Variants in EXT1 observed in about 807,000 individuals in gnomAD.
EXT1 encodes the protein exostosin glycosyltransferase 1, also known as exostosin-1.
Under a neutral mutation model 82.5 loss-of-function variants are expected in EXT1, and 20 were observed. The observed-to-expected ratio is 0.24, with a 90% CI of 0.17 to 0.35. EXT1 has a LOEUF of 0.35. EXT1 is among the 10% of genes least tolerant of loss of function. EXT1 has a pLI of 1.00. For missense variants in EXT1, 757 were observed against 936.5 expected (o/e 0.81, Z 2.50); for synonymous variants, 348 against 350.8 (o/e 0.99, Z 0.09).
Position 117,879,251 on chromosome 8 carries a change from T to C in EXT1, c.963-42050A>G, listed in dbSNP as rs543159807. On this transcript the variant is annotated intron_variant, in intron 1 of 10. Transcript: ENST00000378204. ...CATTTTCCCAGACATGTGATTACTA[T>C]TAAATTGTGAGTGAATCTTCTGAAG... Among the ~76,000 whole-genome samples, 5 of 152,326 alleles carry C rather than the reference T, an allele frequency of 3.3e-5. No homozygotes were observed. The South Asian group carries it at 8.3e-4, about 25-fold the overall frequency.
chr8:117,806,932 G>T (rs1823247165), intron 9 of EXT1, among the ~76,000 whole-genome samples: 1 of 152,124 alleles, frequency 6.6e-6, no homozygotes, highest in Non-Finnish European at 1.5e-5. Context: ...ATTTACTTTT[G>T]TTGTTGTTAT....
chr8:118,090,456 G>T (rs1817501949), intron 1 of EXT1, among the ~76,000 whole-genome samples: 1 of 151,730 alleles, frequency 6.6e-6, no homozygotes, highest in Non-Finnish European at 1.5e-5. Context: ...GATGAACCGT[G>T]GAAGCTGAAG....
intron 1 of EXT1, among the ~76,000 whole-genome samples, chr8:117,876,318 G>A (rs1302138030): frequency 6.6e-6 from 1 of 152,204 alleles, no homozygotes; most frequent in Non-Finnish European, 1.5e-5. Flanking sequence ...TGTCAAAAGA[G>A]AGAATGCAAA....
chr8:118,097,956 C>A (rs147024821), intron 1 of EXT1, among the ~76,000 whole-genome samples: 3 of 152,234 alleles, frequency 2.0e-5, no homozygotes, highest in Non-Finnish European at 4.4e-5. Context: ...TGGAAGAAGT[C>A]AGATGCAGCT....
chr8:118,062,652 G>T (rs1816901836), intron 1 of EXT1, among the ~76,000 whole-genome samples: 1 of 152,140 alleles, frequency 6.6e-6, no homozygotes, highest in Admixed American at 6.5e-5. Flanking sequence ...GACCTGGGAA[G>T]AATAATTAGG....
intron 1 of EXT1, among the ~76,000 whole-genome samples, chr8:117,895,409 T>C (rs973292099): frequency 1.3e-5 from 2 of 152,110 alleles, no homozygotes; most frequent in Non-Finnish European, 2.9e-5. Flanking sequence ...ATGAAGACAA[T>C]TTGACAGGCA....
At chr8:117,839,575 A>G (rs1206360817) in intron 1 of EXT1, among the ~76,000 whole-genome samples, 9 of 152,238 alleles carry the variant, frequency 5.9e-5, no homozygotes, top group Admixed American at 5.9e-4. Flanking sequence ...ATTTTCATTC[A>G]GATTTCTATG....
chr8:117,852,720 T>G (rs1812476484), intron 1 of EXT1, among the ~76,000 whole-genome samples: 1 of 152,086 alleles, frequency 6.6e-6, no homozygotes, highest in Non-Finnish European at 1.5e-5. Flanking sequence ...CAGGAGACAA[T>G]GAGATTCCAT....
At chr8:117,923,875 A>G (rs1434334603) in intron 1 of EXT1, among the ~76,000 whole-genome samples, 1 of 152,216 alleles carries the variant, frequency 6.6e-6, no homozygotes, top group East Asian at 1.9e-4. Flanking sequence ...ATCTTGGCTC[A>G]GTGGGAATGA....
intron 1 of EXT1, among the ~76,000 whole-genome samples, chr8:117,839,714 A>G (rs1247720648): frequency 2.0e-5 from 3 of 152,250 alleles, no homozygotes; most frequent in African/African-American, 7.2e-5. Flanking sequence ...TAGTTTGACC[A>G]CGTGCTTGAT....
chr8:117,886,005 T>C (rs17504011), intron 1 of EXT1, among the ~76,000 whole-genome samples: 45 of 152,340 alleles, frequency 3.0e-4, no homozygotes, highest in African/African-American at 1.1e-3. Context: ...AGTTAAAAGT[T>C]GCATGACTGT....
At chr8:117,901,385 A>T (rs1037739535) in intron 1 of EXT1, among the ~76,000 whole-genome samples, 1 of 152,164 alleles carries the variant, frequency 6.6e-6, no homozygotes, top group Non-Finnish European at 1.5e-5. Context: ...TATAAAACAT[A>T]AAAAATGGTA....
intron 7 of EXT1, among the ~76,000 whole-genome samples, chr8:117,815,789 G>T (rs780021928): frequency 3.9e-5 from 6 of 152,076 alleles, no homozygotes; most frequent in Non-Finnish European, 7.4e-5. Context: ...AATTAGCCAG[G>T]CTTGGTGGCG....
Position 118,111,009 on chromosome 8 carries a change from G to C in EXT1, c.38C>G (p.Ala13Gly), listed in dbSNP as rs1291059341. The change falls in exon 1 of 11, where the codon GCT becomes GGT. Residue 13 changes from alanine (A) to glycine (G), a missense_variant. By Grantham distance (60) the Ala-to-Gly change is moderately conservative (BLOSUM62 0). Around this residue, in one of 4 missense-constraint regions of EXT1, gnomAD observed 175 missense variants for 159.0 expected, o/e 1.10. Transcript: ENST00000378204. Reference sequence around the variant, plus strand: ...AAACAAAAGGGCGAGACAAGAGCCAGCTGAGAGCAGGATGAAATAGCGTTT... The same window carrying C: ...AAACAAAAGGGCGAGACAAGAGCCACCTGAGAGCAGGATGAAATAGCGTTT... ...AKKRYFILLSAGSCLALLFYF... is the reference protein window; with the variant it reads ...AKKRYFILLSGGSCLALLFYF... 6.2e-7 allele frequency: 1 copy of C among 1,604,012 alleles called. No homozygotes were observed. Among genetic ancestry groups the C allele is most frequent in the African/African-American group, 1.3e-5 (1 of 74,894 alleles).
intron 1 of EXT1, among the ~76,000 whole-genome samples, chr8:118,021,913 G>A (rs183672615): frequency 1.3e-5 from 2 of 152,298 alleles, no homozygotes; most frequent in Non-Finnish European, 2.9e-5. Context: ...GATTTTGTGA[G>A]CAAGTCCGAA....
intron 1 of EXT1, among the ~76,000 whole-genome samples, chr8:117,997,855 A>G (rs951803679): frequency 2.0e-5 from 3 of 152,090 alleles, no homozygotes; most frequent in African/African-American, 4.8e-5. Flanking sequence ...GGAACCCCCA[A>G]GATGCCTCAT....
At chr8:117,807,123 G>A in intron 9 of EXT1, 94 bp downstream of exon 9, 1 of 1,482,542 alleles carries the variant, frequency 6.7e-7, no homozygotes, top group South Asian at 1.1e-5. Flanking sequence ...TTTCCTCAAT[G>A]CTGTTAACAA....
chr8:117,843,983 A>C (rs1812312973), intron 1 of EXT1, among the ~76,000 whole-genome samples: 1 of 152,084 alleles, frequency 6.6e-6, no homozygotes, highest in Non-Finnish European at 1.5e-5. Flanking sequence ...TTCGTTGCCA[A>C]TTTAAAAGGG....
chr8:117,896,913 C>T (rs989017879), intron 1 of EXT1, among the ~76,000 whole-genome samples: 1 of 152,142 alleles, frequency 6.6e-6, no homozygotes, highest in Non-Finnish European at 1.5e-5. Context: ...ATGATCTGTG[C>T]TCAGCTTCTT....
Sources: gnomAD v4.1 joint callset for allele counts (sites outside exome capture counted in the v4.1 genomes callset) on GRCh38, gnomAD v4.1.1 for gene constraint, gnomAD v4.1.1 regional missense constraint, MANE v1.5 for transcripts, NCBI Gene and HGNC (gene_info 2026-07-23, HGNC 2026-07-21) for gene names.